The following KPNA3 variants were observed in gnomAD, a reference collection of about 807,000 sequenced individuals.
The protein encoded by KPNA3 is karyopherin subunit alpha 3, also known as importin subunit alpha-4.
Under a neutral mutation model 73.8 loss-of-function variants are expected in KPNA3, and 13 were observed. The ratio of observed to expected loss-of-function variants is 0.18; its 90% CI spans 0.11 to 0.28. The LOEUF is 0.28. KPNA3 is among the 10% of genes least tolerant of loss of function. The pLI, the probability that KPNA3 is intolerant of heterozygous loss-of-function variation, is 1.00. For synonymous variants in KPNA3, 186 were observed against 206.9 expected (o/e 0.90, Z 0.87); for missense variants, 360 against 618.1 (o/e 0.58, Z 4.43).
rs1276300794 is a variant in KPNA3 at position 49,731,477 on chromosome 13, G to C, written c.383+894C>G. ...AACAAACATGATAGTATTTTAAAAA[G>C]TGTTACAGGCCTGGGGGTGGAAAGT... is the stretch of plus-strand genomic sequence containing the variant. On this transcript the variant is annotated intron_variant, in intron 6 of 16. Transcript: ENST00000261667. Among the ~76,000 whole-genome samples the C allele has an allele frequency of 2.0e-5, 3 of 152,090 alleles. No individual in the cohort carries two copies. In the East Asian group the frequency reaches 5.8e-4, roughly 29 times the overall value.
intron 2 of KPNA3, among the ~76,000 whole-genome samples, chr13:49,744,787 G>A (rs1457655960): frequency 3.9e-5 from 6 of 152,146 alleles, no homozygotes; most frequent in Admixed American, 6.5e-5. Flanking sequence ...AAAAGGGGGC[G>A]GGGAAAGGGT....
chr13:49,722,532 A>T lies in KPNA3; in HGVS notation c.501T>A (p.Arg167=). ...NAVPLFLRLL[R]SPHQNVCEQA... is the part of the protein sequence containing the mutation. ...GTTCACAAACATTCTGATGTGGTGA[A>T]CGAAGAAGTCTCAGAAAAAGAGGTA... Residue 167 remains arginine, a synonymous_variant, in exon 8 of 17, where the codon CGT becomes CGA. Coordinates refer to ENST00000261667, the MANE Select transcript of KPNA3 (RefSeq NM_002267.4). 2 of 1,611,494 alleles carry T rather than the reference A, an allele frequency of 1.2e-6. No homozygotes were observed. Among genetic ancestry groups the T allele is most frequent in the Non-Finnish European group, 1.7e-6 (2 of 1,178,594 alleles).
At chr13:49,738,638 T>C (rs1954546176) in intron 2 of KPNA3, among the ~76,000 whole-genome samples, 1 of 152,238 alleles carries the variant, frequency 6.6e-6, no homozygotes, top group African/African-American at 2.4e-5. Context: ...GTTTTTAATT[T>C]TGGTTTCTGC....
intron 1 of KPNA3, among the ~76,000 whole-genome samples, chr13:49,783,401 C>T (rs1954956549): frequency 6.6e-6 from 1 of 152,132 alleles, no homozygotes; most frequent in African/African-American, 2.4e-5. Flanking sequence ...TATTCCTTCA[C>T]CTCCACTTGA....
intron 1 of KPNA3, among the ~76,000 whole-genome samples, chr13:49,766,279 C>T (rs956736072): frequency 1.3e-5 from 2 of 152,088 alleles, no homozygotes; most frequent in African/African-American, 4.8e-5. Flanking sequence ...ATTTATTTTT[C>T]ATTTCTAGCA....
chr13:49,753,303 A>G (rs1954682151), intron 1 of KPNA3, among the ~76,000 whole-genome samples: 1 of 152,234 alleles, frequency 6.6e-6, no homozygotes, highest in Admixed American at 6.5e-5. Context: ...CCAAAAAGAA[A>G]AGAAGAGAAA....
intron 1 of KPNA3, among the ~76,000 whole-genome samples, chr13:49,762,081 G>A (rs116905711): frequency 0.12 from 17,694 of 150,782 alleles, 2,117 homozygotes; most frequent in East Asian, 0.58. Flanking sequence ...ATCTCCGCCC[G>A]GCAGACGCCC....
chr13:49,722,229 C>T (rs1462456643), intron 8 of KPNA3, 105 bp from the exon 9 acceptor site: 4 of 820,532 alleles, frequency 4.9e-6, no homozygotes. Flanking sequence ...TATGTTTCCT[C>T]ACCATTAGTC....
chr13:49,786,956 TA>T (rs1481959743), intron 1 of KPNA3, among the ~76,000 whole-genome samples: 1 of 152,120 alleles, frequency 6.6e-6, no homozygotes, highest in Non-Finnish European at 1.5e-5. Context: ...GGGTCTAAAC[TA>T]GGGGCAGAGG....
At chr13:49,775,783 A>C (rs891000911) in intron 1 of KPNA3, among the ~76,000 whole-genome samples, 12 of 152,052 alleles carry the variant, frequency 7.9e-5, no homozygotes, top group Admixed American at 4.6e-4. Context: ...ATTCATTTTT[A>C]TTTCCTTCTT....
At chr13:49,707,998 CT>C (rs67141719) in intron 12 of KPNA3, among the ~76,000 whole-genome samples, 93,654 of 121,614 alleles carry the variant, frequency 0.77, 35,294 homozygotes, top group East Asian at 0.95. Flanking sequence ...TTCTTTTTTC[CT>C]TTTTTTTTTT....
intron 2 of KPNA3, among the ~76,000 whole-genome samples, chr13:49,744,369 G>A (rs943437546): frequency 1.3e-5 from 2 of 152,116 alleles, no homozygotes; most frequent in Admixed American, 6.5e-5. Context: ...TGTCCATAAA[G>A]GAGTTGACAG....
chr13:49,752,526 A>G (rs1460649133), intron 1 of KPNA3, among the ~76,000 whole-genome samples: 3 of 152,130 alleles, frequency 2.0e-5, no homozygotes, highest in African/African-American at 7.2e-5. Flanking sequence ...CTAGAAAATG[A>G]TAGAAAATGT....
chr13:49,708,333 C>A (rs1476790738), intron 12 of KPNA3, among the ~76,000 whole-genome samples: 1 of 152,130 alleles, frequency 6.6e-6, no homozygotes, highest in Non-Finnish European at 1.5e-5. Context: ...GACACCACTT[C>A]ACATCTACTA....
intron 15 of KPNA3, among the ~76,000 whole-genome samples, 158 bp from the exon 16 acceptor site, chr13:49,702,638 G>C (rs1256821305): frequency 6.6e-6 from 1 of 152,040 alleles, no homozygotes; most frequent in African/African-American, 2.4e-5. Flanking sequence ...CAAAACACGG[G>C]GCTGCTTCTA....
At chr13:49,738,170 G>T (rs1351192661) in intron 2 of KPNA3, among the ~76,000 whole-genome samples, 1 of 152,134 alleles carries the variant, frequency 6.6e-6, no homozygotes, top group Non-Finnish European at 1.5e-5. Context: ...ATCAGCTGGA[G>T]GTATTTGTGC....
In KPNA3 at chr13:49,701,804, A is replaced by C; in HGVS notation, c.1562T>G (p.Phe521Cys). The stretch of plus-strand genomic sequence containing the variant: ...AGATGCTGCACTCAACTGAATTTAA[A>C]AATTAAATTCTTTTGTTTGAAGGTT... Reference protein sequence around the residue: ...TANLQTKEFNF With the variant: ...TANLQTKEFNC The change falls in exon 17 of 17, where the codon TTT becomes TGT. Residue 521 changes from phenylalanine to cysteine, a missense_variant. Physicochemically the swap from Phe to Cys is radical, Grantham distance 205. Around this residue, in one of 3 missense-constraint regions of KPNA3, gnomAD observed 38 missense variants for 39.0 expected, o/e 0.98. Coordinates refer to ENST00000261667, the MANE Select transcript of KPNA3 (RefSeq NM_002267.4). 6.3e-7 allele frequency: 1 copy of C among 1,586,936 alleles called. No homozygotes were observed. Among genetic ancestry groups the C allele is most frequent in the Non-Finnish European group, 8.7e-7 (1 of 1,155,204 alleles).
chr13:49,775,522 C>G (rs1954891079), intron 1 of KPNA3, among the ~76,000 whole-genome samples: 1 of 152,088 alleles, frequency 6.6e-6, no homozygotes, highest in African/African-American at 2.4e-5. Flanking sequence ...CACAAACAAA[C>G]CAGCTTTAAA....
intron 9 of KPNA3, among the ~76,000 whole-genome samples, chr13:49,720,712 A>G (rs1954346914): frequency 6.7e-6 from 1 of 148,814 alleles, no homozygotes; most frequent in Admixed American, 6.7e-5. Context: ...AGCCTGGGAA[A>G]CAGAGCGAGA....
Sources: gnomAD v4.1 joint callset for allele counts (sites outside exome capture counted in the v4.1 genomes callset) on GRCh38, gnomAD v4.1.1 for gene constraint, gnomAD v4.1.1 regional missense constraint, MANE v1.5 for transcripts, NCBI Gene and HGNC (gene_info 2026-07-23, HGNC 2026-07-21) for gene names.